Variants in IL1RAPL1 observed in about 807,000 individuals in gnomAD.
IL1RAPL1 encodes interleukin-1 receptor accessory protein-like 1.
In IL1RAPL1, 3 loss-of-function variants were observed where a neutral mutation model predicts 48.4. The observed-to-expected ratio is 0.06, with a 90% CI of 0.03 to 0.16. The LOEUF is 0.16. Among genes scored for constraint, IL1RAPL1 ranks in the 10% least tolerant of loss-of-function variants. IL1RAPL1 has a pLI of 1.00. For synonymous variants in IL1RAPL1, 185 were observed against 187.7 expected, an observed-to-expected ratio of 0.99 and a Z score of 0.12; for missense variants, 349 against 530.6, an observed-to-expected ratio of 0.66 and a Z score of 3.36.
At chrX:29,865,636 C>CTTT (rs1171882981) in intron 6 of IL1RAPL1, among the ~76,000 whole-genome samples, 18 of 76,325 alleles carry the variant, frequency 2.4e-4, no homozygotes, top group African/African-American at 3.3e-4. Flanking sequence ...CTTTTCTTTT[C>CTTT]TTTTTTTTTT....
intron 1 of IL1RAPL1, among the ~76,000 whole-genome samples, chrX:28,700,944 A>G (rs1935288573): frequency 9.0e-6 from 1 of 111,684 alleles, no homozygotes; most frequent in African/African-American, 3.3e-5. Context: ...TTCTTTATCC[A>G]GTCTATCATT....
intron 5 of IL1RAPL1, among the ~76,000 whole-genome samples, chrX:29,421,374 G>T (rs1468967336): frequency 9.0e-6 from 1 of 110,512 alleles, no homozygotes; most frequent in Non-Finnish European, 1.9e-5. Context: ...CGCTGCAAAG[G>T]GCATGAACTT....
chrX:29,520,181 C>A (rs752169527), intron 5 of IL1RAPL1, among the ~76,000 whole-genome samples: 2 of 111,874 alleles, frequency 1.8e-5, no homozygotes, highest in African/African-American at 6.5e-5. Flanking sequence ...TTATTTTAGG[C>A]AAATATATTT....
intron 6 of IL1RAPL1, among the ~76,000 whole-genome samples, chrX:29,851,267 G>C (rs1931362894): frequency 9.0e-6 from 1 of 111,327 alleles, no homozygotes; most frequent in Admixed American, 9.5e-5. Context: ...TTAAATCCTG[G>C]AGTTATGTCA....
chrX:29,319,160 G>GTCTGTCTATCTATCTATCTA (rs370282992), intron 3 of IL1RAPL1, among the ~76,000 whole-genome samples: 1 of 84,988 alleles, frequency 1.2e-5, no homozygotes, highest in Non-Finnish European at 2.2e-5. Context: ...CTATCTGTCT[G>GTCTGTCTATCTATCTATCTA]TCTATCTATC....
intron 6 of IL1RAPL1, among the ~76,000 whole-genome samples, chrX:29,832,253 C>T (rs749490594): frequency 3.0e-4 from 34 of 111,979 alleles, no homozygotes; most frequent in African/African-American, 1.1e-3. Context: ...CCGTGCTCTA[C>T]CTGACTTAAA....
At chrX:29,462,946 C>G (rs1934819548) in intron 5 of IL1RAPL1, among the ~76,000 whole-genome samples, 1 of 111,496 alleles carries the variant, frequency 9.0e-6, no homozygotes, top group Non-Finnish European at 1.9e-5. Flanking sequence ...TTTGGCATCT[C>G]ACATCTCTGT....
At chrX:29,640,970 G>C (rs56813955) in intron 5 of IL1RAPL1, among the ~76,000 whole-genome samples, 1,237 of 109,011 alleles carry the variant, frequency 0.011, 19 homozygotes, top group African/African-American at 0.04. Flanking sequence ...TTTGAGATGA[G>C]CCTGGGTCAC....
At chrX:29,321,720 AC>A (rs976946014) in intron 3 of IL1RAPL1, among the ~76,000 whole-genome samples, 3 of 111,562 alleles carry the variant, frequency 2.7e-5, no homozygotes, top group African/African-American at 9.8e-5. Context: ...GGATTTAACA[AC>A]CCAAAATCCT....
At chrX:29,689,522 T>A (rs1926720381) in intron 6 of IL1RAPL1, among the ~76,000 whole-genome samples, 1 of 112,397 alleles carries the variant, frequency 8.9e-6, no homozygotes, top group African/African-American at 3.2e-5. Flanking sequence ...ACTGTATGAG[T>A]TTAGGGATGA....
intron 1 of IL1RAPL1, among the ~76,000 whole-genome samples, chrX:28,703,575 T>C (rs970973472): frequency 9.0e-6 from 1 of 111,339 alleles, no homozygotes; most frequent in Non-Finnish European, 1.9e-5. Flanking sequence ...AAAGAATATC[T>C]GATTTTTAAG....
At chrX:29,868,463 G>GACTT (rs1362617616) in intron 6 of IL1RAPL1, among the ~76,000 whole-genome samples, 1 of 111,962 alleles carries the variant, frequency 8.9e-6, no homozygotes, top group Non-Finnish European at 1.9e-5. Context: ...TGGATGGATG[G>GACTT]ACTTAAAATA....
chrX:29,136,414 A>C (rs189310080), intron 2 of IL1RAPL1, among the ~76,000 whole-genome samples: 118 of 111,971 alleles, frequency 1.1e-3, no homozygotes, highest in Non-Finnish European at 1.8e-3. Context: ...GGCGTGAGCT[A>C]ACACTCCCGG....
In IL1RAPL1 at chrX:28,881,176, T is replaced by C. The variant is rs1331163424; in HGVS notation, c.82+91751T>C. On this transcript the variant is annotated intron_variant, in intron 2 of 10. Transcript: ENST00000378993. ...AGGATTTCTGACTAAATAATTTTGT[T>C]GACTGTCTTTCTTATTTTTATTTTC... Among the ~76,000 whole-genome samples the C allele has an allele frequency of 3.6e-5, 4 of 111,777 alleles. No individual in the cohort carries two copies. The East Asian group carries it at 8.4e-4, about 23-fold the overall frequency.
chrX:29,310,135 G>GAAAA (rs763228577), intron 3 of IL1RAPL1, among the ~76,000 whole-genome samples: 12 of 41,129 alleles, frequency 2.9e-4, no homozygotes, highest in Non-Finnish European at 3.9e-4. Context: ...AAAAAGAAAG[G>GAAAA]AAAAAAAAAA....
At chrX:29,731,635 G>GT (rs1229449142) in intron 6 of IL1RAPL1, among the ~76,000 whole-genome samples, 1 of 112,362 alleles carries the variant, frequency 8.9e-6, no homozygotes, top group Non-Finnish European at 1.9e-5. Flanking sequence ...GTGAGAGCTG[G>GT]TATTTTGGTT....
intron 1 of IL1RAPL1, among the ~76,000 whole-genome samples, chrX:28,591,848 T>A (rs1270067705): frequency 9.0e-6 from 1 of 111,484 alleles, no homozygotes; most frequent in African/African-American, 3.3e-5. Flanking sequence ...AATCATTTTT[T>A]AAAAAAATAA....
chrX:29,390,242 C>G (rs1000080751), intron 3 of IL1RAPL1, among the ~76,000 whole-genome samples: 1 of 111,273 alleles, frequency 9.0e-6, no homozygotes, highest in African/African-American at 3.3e-5. Flanking sequence ...CCAGACAGTT[C>G]ACTTCTGCTT....
At chrX:29,081,939 A>C (rs936838671) in intron 2 of IL1RAPL1, among the ~76,000 whole-genome samples, 1 of 110,745 alleles carries the variant, frequency 9.0e-6, no homozygotes, top group African/African-American at 3.3e-5. Flanking sequence ...TCTATTGTGA[A>C]TATCCAAAGT....
Sources: allele counts gnomAD v4.1 joint callset (sites outside exome capture counted in the v4.1 genomes callset), GRCh38; gene constraint gnomAD v4.1.1; transcripts MANE v1.5; gene names NCBI Gene and HGNC (gene_info 2026-07-23, HGNC 2026-07-21).